RASSF5: variants seen among roughly 807,000 people sequenced by gnomAD.
RASSF5 encodes Ras association domain family member 5, also known as ras association domain-containing protein 5.
In RASSF5, 25 loss-of-function variants were observed where a neutral mutation model predicts 40.5. That is an observed-to-expected ratio of 0.62 (90% confidence interval 0.45 to 0.86). The LOEUF is 0.86. RASSF5 is among the 40% of genes least tolerant of loss of function. The pLI is 0.00. For missense variants in RASSF5, 521 were observed against 572.8 expected (o/e 0.91, Z 0.92); for synonymous variants, 246 against 252.4 (o/e 0.97, Z 0.24).
intron 2 of RASSF5, among the ~76,000 whole-genome samples, chr1:206,567,631 C>A (rs553694677): frequency 1.3e-5 from 2 of 152,172 alleles, no homozygotes; most frequent in Middle Eastern, 3.4e-3. Context: ...GAAGACTTGG[C>A]GAACTCTGGG....
At chr1:206,508,114 G>C (rs1051094006) in intron 1 of RASSF5, 55 bp downstream of exon 1, 136 of 1,261,352 alleles carry the variant, frequency 1.1e-4, no homozygotes, top group Non-Finnish European at 1.4e-4. Context: ...TGGGGGCGAA[G>C]GACTGGGAGG....
intron 1 of RASSF5, among the ~76,000 whole-genome samples, chr1:206,515,116 G>A (rs376234983): frequency 6.6e-6 from 1 of 152,166 alleles, no homozygotes; most frequent in Non-Finnish European, 1.5e-5. Context: ...CATTGATCAC[G>A]CAAGTTAGTT....
chr1:206,549,306 T>A (rs1244725046), intron 2 of RASSF5, among the ~76,000 whole-genome samples: 1 of 152,206 alleles, frequency 6.6e-6, no homozygotes, highest in Non-Finnish European at 1.5e-5. Flanking sequence ...AGTGGTTTGA[T>A]GTGGATCTTT....
In RASSF5 at chr1:206,526,976, A is replaced by G. The variant is rs149471900; in HGVS notation, c.458-11196A>G. Reference sequence around the variant, plus strand: ...TTTGGCAACAAATTTGCTGGCAAGAAAGATACTACCACCGCCATTTGCAGT... The same window carrying G: ...TTTGGCAACAAATTTGCTGGCAAGAGAGATACTACCACCGCCATTTGCAGT... On this transcript the variant is annotated intron_variant, in intron 1 of 5. Transcript: ENST00000579436. Among the ~76,000 whole-genome samples, 481 of 152,294 alleles carry G rather than the reference A, an allele frequency of 3.2e-3. 1 individual carries two copies. Among genetic ancestry groups the G allele is most frequent in the African/African-American group, 0.011 (452 of 41,564 alleles).
At chr1:206,509,881 A>G (rs1481273205) in intron 1 of RASSF5, among the ~76,000 whole-genome samples, 3 of 152,108 alleles carry the variant, frequency 2.0e-5, no homozygotes, top group Non-Finnish European at 4.4e-5. Context: ...TGGCAGGAAG[A>G]TCTAGGCCCC....
At chr1:206,543,472 T>TA (rs1558506355) in intron 2 of RASSF5, 1 of 152,184 alleles carries the variant, frequency 6.6e-6, no homozygotes, top group Non-Finnish European at 1.5e-5. Context: ...TATATACTGA[T>TA]ACGGAATTGT....
chr1:206,546,127 G>T (rs1262214720), intron 2 of RASSF5, among the ~76,000 whole-genome samples: 2 of 44,748 alleles, frequency 4.5e-5, no homozygotes, highest in African/African-American at 1.4e-4. Flanking sequence ...TTTTTTTTTT[G>T]GGACAGGATC....
intron 2 of RASSF5, among the ~76,000 whole-genome samples, chr1:206,574,446 T>C: frequency 6.6e-6 from 1 of 152,212 alleles, no homozygotes; most frequent in East Asian, 1.9e-4. Flanking sequence ...GGCGGACTGT[T>C]GACATTGACC....
intron 1 of RASSF5, among the ~76,000 whole-genome samples, chr1:206,509,036 G>A (rs1666545797): frequency 6.6e-6 from 1 of 151,862 alleles, no homozygotes; most frequent in Non-Finnish European, 1.5e-5. Context: ...CCACAGCCAT[G>A]TGTTCATGTG....
intron 2 of RASSF5, among the ~76,000 whole-genome samples, chr1:206,562,164 C>T (rs782434213): frequency 6.6e-5 from 10 of 152,086 alleles, no homozygotes; most frequent in Non-Finnish European, 1.3e-4. Flanking sequence ...TCCTGCCTGG[C>T]CAGTCAGCTC....
At chr1:206,512,027 T>C (rs1011531229) in intron 1 of RASSF5, among the ~76,000 whole-genome samples, 2 of 152,222 alleles carry the variant, frequency 1.3e-5, no homozygotes, top group South Asian at 2.1e-4. Flanking sequence ...CTTGGGCACT[T>C]GGAAGGTATT....
At chr1:206,565,112 TTC>T (rs1409856887) in intron 2 of RASSF5, among the ~76,000 whole-genome samples, 1 of 152,156 alleles carries the variant, frequency 6.6e-6, no homozygotes, top group Non-Finnish European at 1.5e-5. Context: ...ACTCATTTAT[TTC>T]TCTGTCTCTG....
chr1:206,516,618 G>A (rs1300273420), intron 1 of RASSF5, among the ~76,000 whole-genome samples: 2 of 152,042 alleles, frequency 1.3e-5, no homozygotes, highest in Admixed American at 1.3e-4. Flanking sequence ...CACCACACCC[G>A]GATAATTTTT....
chr1:206,542,947 C>T (rs1293628922), intron 2 of RASSF5: 1 of 152,160 alleles, frequency 6.6e-6, no homozygotes, highest in African/African-American at 2.4e-5. Context: ...CACAGTGGCT[C>T]ACACCTATAA....
chr1:206,518,011 C>T (rs1666802270), intron 1 of RASSF5, among the ~76,000 whole-genome samples: 1 of 152,168 alleles, frequency 6.6e-6, no homozygotes, highest in Non-Finnish European at 1.5e-5. Flanking sequence ...AGCTCCTGGG[C>T]TGGGCACGTG....
chr1:206,569,959 G>A (rs1668396131), intron 2 of RASSF5, among the ~76,000 whole-genome samples: 1 of 152,046 alleles, frequency 6.6e-6, no homozygotes, highest in Non-Finnish European at 1.5e-5. Flanking sequence ...AATACAGAAA[G>A]TAAGGGAAGC....
At chr1:206,545,675 T>C (rs1667664861) in intron 2 of RASSF5, among the ~76,000 whole-genome samples, 1 of 152,192 alleles carries the variant, frequency 6.6e-6, no homozygotes, top group Non-Finnish European at 1.5e-5. Context: ...CTGTGTATCA[T>C]TATGAAATGA....
At position 206,582,848 on chromosome 1, in the gene RASSF5, A is replaced by G. The variant is rs782748968; in HGVS notation, c.580-421A>G. Among the ~76,000 whole-genome samples the G allele has an allele frequency of 4.9e-4, 75 of 152,342 alleles. 1 individual carries two copies. Among genetic ancestry groups the G allele is most frequent in the Non-Finnish European group, 5.7e-4 (39 of 68,028 alleles). On this transcript the variant is annotated intron_variant, in intron 2 of 5. Transcript: ENST00000579436. ...TGTGTTGTTACTTCCTTGAGGAGAC[A>G]GACCATGGCTTGTATTTCTTTGCAT...
chr1:206,529,385 C>T (rs782074867), intron 1 of RASSF5: 46 of 755,860 alleles, frequency 6.1e-5, no homozygotes, highest in Middle Eastern at 3.5e-4. Context: ...TTGCACATGA[C>T]GTGGATCCCA....
Sources: gnomAD v4.1 joint callset for allele counts (sites outside exome capture counted in the v4.1 genomes callset) on GRCh38, gnomAD v4.1.1 for gene constraint, MANE v1.5 for transcripts, NCBI Gene and HGNC (gene_info 2026-07-23, HGNC 2026-07-21) for gene names.